SH3TC1: variants seen among roughly 807,000 people sequenced by gnomAD.
SH3TC1 encodes the protein SH3 domain and tetratricopeptide repeats 1.
Under a neutral mutation model 117.3 loss-of-function variants are expected in SH3TC1, and 135 were observed. The observed-to-expected ratio is 1.15, with a 90% CI of 1.00 to 1.33. The LOEUF is 1.33. Among genes scored for constraint, SH3TC1 ranks in the 40% most tolerant of loss-of-function variants. The pLI is 0.00. For missense variants in SH3TC1, 2,092 were observed against 1,794.3 expected (o/e 1.17, Z -3.00); for synonymous variants, 898 against 816.9 (o/e 1.10, Z -1.69).
chr4:8,231,152 C>G (rs115493052), intron 12 of SH3TC1: 1 of 152,296 alleles, frequency 6.6e-6, no homozygotes, highest in Non-Finnish European at 1.5e-5. Context: ...CTTTCACTCA[C>G]TGGTTGTTTA....
chr4:8,227,634 T>C lies in SH3TC1; in HGVS notation c.1940T>C (p.Leu647Pro). 6.6e-7 allele frequency: 1 copy of C among 1,526,130 alleles called. No homozygotes were observed. Among genetic ancestry groups the C allele is most frequent in the Non-Finnish European group, 8.8e-7 (1 of 1,140,050 alleles). The allele number at this position is 1,526,130 out of a possible 1,614,324, so 94.5% of individuals were successfully genotyped here. Residue 647 changes from leucine (L) to proline (P), a missense_variant, in exon 12 of 18, where the codon CTC (leucine) becomes CCC (proline). Physicochemically the swap from Leu to Pro is moderately conservative, Grantham distance 98 (BLOSUM62 -3). Coordinates refer to ENST00000245105, the MANE Select transcript of SH3TC1 (RefSeq NM_018986.5). ...TGCAGCACCGAGGCGGAGGGGGAGC[T>C]CCTGCAGCTGGCGCTGCGGCGGGCG... ...HICSTEAEGE[L>P]LQLALRRAVG...
At chr4:8,218,715 G>A (rs1205630740) in intron 8 of SH3TC1, among the ~76,000 whole-genome samples, 1 of 152,242 alleles carries the variant, frequency 6.6e-6, no homozygotes, top group Non-Finnish European at 1.5e-5. Context: ...CTGTCACCAT[G>A]GGAAACGCCT....
chr4:8,187,307 G>GAAGGACGCC (rs1717247473), intron 1 of SH3TC1, among the ~76,000 whole-genome samples: 1 of 149,736 alleles, frequency 6.7e-6, no homozygotes, highest in African/African-American at 2.6e-5. Context: ...TGATGCTGTT[G>GAAGGACGCC]ACCCTGGTCA....
In SH3TC1 at chr4:8,227,923, C is replaced by T. The variant is rs1357763469; in HGVS notation, c.2229C>T (p.Gly743=). The T allele has an allele frequency of 6.2e-7, 1 of 1,612,550 alleles. No individual in the cohort carries two copies. Among genetic ancestry groups the T allele is most frequent in the South Asian group, 1.1e-5 (1 of 91,086 alleles). Residue 743 remains glycine, a synonymous_variant, in exon 12 of 18, where the codon GGC becomes GGT. Coordinates refer to ENST00000245105, the MANE Select transcript of SH3TC1 (RefSeq NM_018986.5). ...ASLRTRGSLA[G]SLRSVNLVLQ... is the part of the protein sequence containing the mutation. ...TGCGGACACGGGGCTCGCTGGCCGG[C>T]TCGCTGAGGAGTGTGAACCTGGTGC... is the stretch of plus-strand genomic sequence containing the variant.
chr4:8,232,166 G>A lies in SH3TC1; in HGVS notation c.3131+10G>A, dbSNP rs1315055460. On this transcript the variant is annotated intron_variant, in intron 13 of 17. Coordinates refer to ENST00000245105, the MANE Select transcript of SH3TC1 (RefSeq NM_018986.5). ...CCCTGGGCACCGAGCGGTGAGGGCT[G>A]GCTCTGTGGTGGTGGGGGCGGGGGG... 1.5e-6 allele frequency: 2 copies of A among 1,297,624 alleles called. No homozygotes were observed. Among genetic ancestry groups the A allele is most frequent in the Non-Finnish European group, 1.0e-6 (1 of 987,728 alleles). The allele number at this position is 1,297,624 out of a possible 1,614,324, so 80.4% of individuals were successfully genotyped here. A position where few individuals can be genotyped will look rare whatever the true frequency, so the allele number is the denominator to read the frequency against.
At position 8,225,444 on chromosome 4, in the gene SH3TC1, C is replaced by T. The variant is rs1408662320; in HGVS notation, c.1285+228C>T. Among the ~76,000 whole-genome samples, 3 of 152,142 alleles carry T rather than the reference C, an allele frequency of 2.0e-5. No individual in the cohort carries two copies. Among genetic ancestry groups the T allele is most frequent in the East Asian group, 3.9e-4 (2 of 5,174 alleles). ...CACTTCTTCCAATGAACATGCTGGC[C>T]CCCGCCTGGTCCCCGCCCAAGATGG... On this transcript the variant is annotated intron_variant, in intron 11 of 17. Transcript: ENST00000245105. The surrounding 1 kb of genome is among the most constrained non-coding windows in gnomAD (Gnocchi z 5.5).
In SH3TC1 at chr4:8,228,101, G is replaced by T; in HGVS notation, c.2407G>T (p.Gly803Cys). 6.2e-7 allele frequency: 1 copy of T among 1,610,118 alleles called. No homozygotes were observed. Among genetic ancestry groups the T allele is most frequent in the South Asian group, 1.1e-5 (1 of 90,828 alleles). Residue 803 changes from glycine to cysteine, a missense_variant, in exon 12 of 18, where the codon GGC (glycine) becomes TGC (cysteine). Transcript: ENST00000245105. ...GCTGTACAGCCACCATGGCTGCCAC[G>T]GCCCGGCCATCACCTTCATGACGCA... ...AQLYSHHGCH[G>C]PAITFMTQAV...
intron 13 of SH3TC1, chr4:8,232,927 G>C (rs1334984316): frequency 5.0e-6 from 6 of 1,198,250 alleles, no homozygotes; most frequent in Non-Finnish European, 6.3e-6. Flanking sequence ...GGGAGTTCTA[G>C]GGCCCGCCCC....
chr4:8,209,887 T>G lies in SH3TC1; in HGVS notation c.247+65T>G, dbSNP rs947571775. The stretch of plus-strand genomic sequence containing the variant: ...TCCGGGCTGTGCCGCTCCCTGGGCA[T>G]CCAAGAGTCCAACCCAGGGCTTCTC... On this transcript the variant is annotated intron_variant, in intron 3 of 17. Transcript: ENST00000245105. The surrounding 1 kb of genome is among the most constrained non-coding windows in gnomAD (Gnocchi z 5.9). 4.0e-6 allele frequency: 6 copies of G among 1,511,792 alleles called. No homozygotes were observed. Among genetic ancestry groups the G allele is most frequent in the Non-Finnish European group, 4.5e-6 (5 of 1,103,690 alleles). 93.6% of individuals were successfully genotyped at this position (1,511,792 alleles called of 1,614,324 possible). A position where few individuals can be genotyped will look rare whatever the true frequency, so the allele number is the denominator to read the frequency against.
Position 8,237,468 on chromosome 4 carries a change from C to G in SH3TC1, c.3557-6C>G, listed in dbSNP as rs1721921301. The G allele has an allele frequency of 6.4e-7, 1 of 1,553,660 alleles. No homozygotes were observed. The stretch of plus-strand genomic sequence containing the variant: ...CTCACACCTGCCCCCTTGGCCTGCA[C>G]CCCAGGGGACCGGCTGAACGAGCGC... On this transcript the variant is annotated splice_polypyrimidine_tract_variant and splice_region_variant and intron_variant, in intron 16 of 17. Coordinates refer to ENST00000245105, the MANE Select transcript of SH3TC1 (RefSeq NM_018986.5).
At position 8,216,208 on chromosome 4, in the gene SH3TC1, G is replaced by A. The variant is rs752594588; in HGVS notation, c.579G>A (p.Val193=). 1.2e-6 allele frequency: 2 copies of A among 1,613,876 alleles called. No individual in the cohort carries two copies. Among genetic ancestry groups the A allele is most frequent in the East Asian group, 4.5e-5 (2 of 44,880 alleles). ...AGGAGACGGCCATCCAAGTCCATGT[G>A]GATGAGAACGCCTTAAGGCTGACCC... ...EEEETAIQVH[V]DENALRLTHE... is the part of the protein sequence containing the mutation. The change falls in exon 6 of 18, where the codon GTG becomes GTA. Residue 193 remains valine (V), a synonymous_variant. Transcript: ENST00000245105.
chr4:8,233,982 CCATCCAT>C (rs1721519024), intron 14 of SH3TC1, among the ~76,000 whole-genome samples: 1 of 74,928 alleles, frequency 1.3e-5, no homozygotes, highest in Non-Finnish European at 3.9e-5. Flanking sequence ...GTCCATCCAT[CCATCCAT>C]CATCCATCCA....
intron 9 of SH3TC1, among the ~76,000 whole-genome samples, 186 bp from the exon 10 acceptor site, chr4:8,222,654 G>A (rs1315189301): frequency 7.0e-6 from 1 of 143,840 alleles, no homozygotes; most frequent in Non-Finnish European, 1.5e-5. Flanking sequence ...GATTACAGGT[G>A]TGAGCCACCA....
rs931125277 is a variant in SH3TC1 at position 8,200,789 on chromosome 4, G to C, written c.-29+1384G>C. On this transcript the variant is annotated intron_variant, in intron 1 of 17. Transcript: ENST00000245105. ...CGGCTCCTCCCTGCCTCTTCCCGCT[G>C]CCTGTGGCTCAGGGCGCTCCTTGGC... Among the ~76,000 whole-genome samples, 3 of 152,180 alleles carry C rather than the reference G, an allele frequency of 2.0e-5. No individual in the cohort carries two copies. The South Asian group carries it at 6.2e-4, about 32-fold the overall frequency.
chr4:8,201,191 C>T (rs188787987), intron 1 of SH3TC1, among the ~76,000 whole-genome samples: 6 of 152,310 alleles, frequency 3.9e-5, no homozygotes, highest in Admixed American at 6.5e-5. Context: ...CAGGGCTGGC[C>T]GCGGCCCTCT....
Position 8,209,523 on chromosome 4 carries a change from G to T in SH3TC1, c.173-225G>T. 3 of 906,330 alleles carry T rather than the reference G, an allele frequency of 3.3e-6. No homozygotes were observed. Among genetic ancestry groups the T allele is most frequent in the Admixed American group, 2.2e-5 (1 of 45,938 alleles). The allele number at this position is 906,330 out of a possible 1,614,324, so 56.1% of individuals were successfully genotyped here. ...GATCATACGAGTCGTGTGGTCTTAA[G>T]CCTCTGAGTGTGGGGCAGCTTGTCA... On this transcript the variant is annotated intron_variant, in intron 2 of 17. Transcript: ENST00000245105. The surrounding 1 kb of genome is among the most constrained non-coding windows in gnomAD (Gnocchi z 5.9).
chr4:8,232,701 C>A, intron 13 of SH3TC1: 6 of 1,290,328 alleles, frequency 4.6e-6, no homozygotes, highest in Non-Finnish European at 5.1e-6. Flanking sequence ...GCCACCCCAC[C>A]CACAGGGCCC....
intron 5 of SH3TC1, among the ~76,000 whole-genome samples, chr4:8,215,503 T>C (rs1719169611): frequency 6.6e-6 from 1 of 152,136 alleles, no homozygotes; most frequent in African/African-American, 2.4e-5. Context: ...TGTGGGGGGA[T>C]GTCCATCCAG....
intron 1 of SH3TC1, among the ~76,000 whole-genome samples, chr4:8,184,429 G>A (rs1717165822): frequency 6.6e-6 from 1 of 151,406 alleles, no homozygotes; most frequent in South Asian, 2.1e-4. Context: ...GCCCCGGCTG[G>A]AGTGCAGTGG....
Sources: allele counts gnomAD v4.1 joint callset (sites outside exome capture counted in the v4.1 genomes callset), GRCh38; gene constraint gnomAD v4.1.1; non-coding constraint Gnocchi (gnomAD v3.1); transcripts MANE v1.5; gene names NCBI Gene and HGNC (gene_info 2026-07-23, HGNC 2026-07-21).